DDX11: variants seen among roughly 807,000 people sequenced by gnomAD.
The protein encoded by DDX11 is DEAD/H-box helicase 11, also known as ATP-dependent DNA helicase DDX11.
In DDX11, 72 loss-of-function variants were observed where a neutral mutation model predicts 125.2. That is an observed-to-expected ratio of 0.58 (90% CI 0.48 to 0.70). The LOEUF is 0.70. DDX11 is among the 30% of genes least tolerant of loss of function. The pLI is 0.00. For missense variants in DDX11, 883 were observed against 1,165.0 expected (o/e 0.76, Z 3.52); for synonymous variants, 347 against 452.6 (o/e 0.77, Z 2.96).
At position 31,104,212 on chromosome 12, in the gene DDX11, A is replaced by G; in HGVS notation, c.*376A>G. 1.1e-6 allele frequency: 1 copy of G among 944,692 alleles called. No homozygotes were observed. The highest frequency in any genetic ancestry group is 1.5e-6 in the Non-Finnish European group (1 of 653,930). The allele number at this position is 944,692 out of a possible 1,614,324, so 58.5% of individuals were successfully genotyped here. A position where few individuals can be genotyped will look rare whatever the true frequency, so the allele number is the denominator to read the frequency against. ...CCTGCCCACCTTCTTAAGAGGCGAG[A>G]TGGAGCAGGCCCATCTGCCTCTGCC... On this transcript the variant is annotated 3_prime_UTR_variant, in exon 27 of 27. Transcript: ENST00000542838.
intron 2 of DDX11, among the ~76,000 whole-genome samples, chr12:31,080,793 C>G (rs1027259456): frequency 1.3e-5 from 2 of 152,116 alleles, no homozygotes; most frequent in Non-Finnish European, 2.9e-5. Context: ...TGCCCAGGGC[C>G]GAGTGCAGTG....
chr12:31,093,103 C>T (rs35551128), intron 11 of DDX11, 142 bp from the exon 12 acceptor site: 90,924 of 1,050,088 alleles, frequency 0.087, 4,251 homozygotes, highest in Non-Finnish European at 0.1. Flanking sequence ...GGCCTGGGGC[C>T]GTGGCCAGCC....
intron 5 of DDX11, 32 bp from the exon 6 acceptor site, chr12:31,087,906 A>G (rs767199162): frequency 9.4e-6 from 15 of 1,603,318 alleles, no homozygotes; most frequent in Admixed American, 6.9e-5. Flanking sequence ...TGCTGAGGGA[A>G]GACTGTTTTC....
chr12:31,084,824 T>C, intron 4 of DDX11, 145 bp from the exon 5 acceptor site: 1 of 1,054,206 alleles, frequency 9.5e-7, no homozygotes, highest in Non-Finnish European at 1.4e-6. Flanking sequence ...GGTTGAGGCG[T>C]GGATCCTAGG....
rs766938433 is a variant in DDX11, at chr12:31,103,827, C to G, written c.2712C>G (p.Ala904=). 5 of 1,613,826 alleles carry G rather than the reference C, an allele frequency of 3.1e-6. No homozygotes were observed. The highest frequency in any genetic ancestry group is 3.4e-6 in the Non-Finnish European group (4 of 1,179,876). The change falls in exon 27 of 27, where the codon GCC becomes GCG. Residue 904 remains alanine (A), a synonymous_variant. Coordinates refer to ENST00000542838, the MANE Select transcript of DDX11 (RefSeq NM_030653.4). ...AVQKFHREKS[A]SS ...CCCAGTTTCACCGGGAGAAGTCGGC[C>G]TCTTCCTGATGGGCAACCACACCAC...
chr12:31,086,172 C>T (rs1163128450), intron 5 of DDX11: 21 of 452,264 alleles, frequency 4.6e-5, no homozygotes, highest in Middle Eastern at 6.9e-4. Context: ...CTGCCCTCCT[C>T]CCTTGGCAGA....
At position 31,094,733 on chromosome 12, in the gene DDX11, C is replaced by T. The variant is rs775716337; in HGVS notation, c.1415-22C>T. 9.4e-6 allele frequency: 15 copies of T among 1,599,252 alleles called. No individual in the cohort carries two copies. In the Middle Eastern group the frequency reaches 1.8e-3, roughly 194 times the overall value. The stretch of plus-strand genomic sequence containing the variant: ...GAGGCTTAGGGTGAAGCTCCCAAGG[C>T]CCTTCATGTGTTTGTTCTCAGGGAC... On this transcript the variant is annotated intron_variant, in intron 13 of 26. Transcript: ENST00000542838.
chr12:31,080,380 G>A (rs1404052474), intron 2 of DDX11, among the ~76,000 whole-genome samples: 2 of 152,188 alleles, frequency 1.3e-5, no homozygotes, highest in African/African-American at 4.8e-5. Context: ...TCTGCCGGTT[G>A]CCTCCAGGGC....
intron 2 of DDX11, among the ~76,000 whole-genome samples, chr12:31,080,634 C>T (rs1941725921): frequency 6.6e-6 from 1 of 151,928 alleles, no homozygotes. Context: ...CCTTCTTTCC[C>T]TCTCTCCTAA....
intron 2 of DDX11, among the ~76,000 whole-genome samples, chr12:31,083,214 CTG>C (rs969813930): frequency 7.3e-5 from 11 of 151,286 alleles, no homozygotes; most frequent in African/African-American, 2.4e-4. Flanking sequence ...GGCCAGAGAA[CTG>C]TGTGAGCCCA....
At chr12:31,097,571 T>C (rs1322740540) in intron 17 of DDX11, among the ~76,000 whole-genome samples, 717 of 120,356 alleles carry the variant, frequency 6.0e-3, no homozygotes, top group South Asian at 0.014. Context: ...TCCCAGCTAC[T>C]CGGGAGGCTG....
rs1413727177 is a variant in DDX11, at chr12:31,103,826, C to G, written c.2711C>G (p.Ala904Gly). The G allele has an allele frequency of 2.5e-6, 4 of 1,613,934 alleles. No individual in the cohort carries two copies. The highest frequency in any genetic ancestry group is 2.5e-6 in the Non-Finnish European group (3 of 1,179,870). The change falls in exon 27 of 27, where the codon GCC becomes GGC. Residue 904 changes from alanine (A) to glycine (G), a missense_variant. By Grantham distance (60) the Ala-to-Gly change is moderately conservative. Transcript: ENST00000542838. Reference protein sequence around the residue: ...AVQKFHREKSASS With the variant: ...AVQKFHREKSGSS Reference sequence around the variant, plus strand: ...GCCCAGTTTCACCGGGAGAAGTCGGCCTCTTCCTGATGGGCAACCACACCA... The same window carrying G: ...GCCCAGTTTCACCGGGAGAAGTCGGGCTCTTCCTGATGGGCAACCACACCA...
intron 12 of DDX11, chr12:31,093,561 CA>C: frequency 9.1e-6 from 5 of 552,146 alleles, no homozygotes; most frequent in East Asian, 4.2e-5. Context: ...ACTAAAAATA[CA>C]AAAAAATTAG....
intron 18 of DDX11, 148 bp from the exon 19 acceptor site, chr12:31,100,487 T>C: frequency 1.5e-6 from 1 of 650,918 alleles, no homozygotes; most frequent in Non-Finnish European, 2.7e-6. Flanking sequence ...TCACCATTTT[T>C]CTTTTTGTTA....
intron 25 of DDX11, 67 bp from the exon 26 acceptor site, chr12:31,103,510 G>A (rs530162248): frequency 2.0e-5 from 33 of 1,611,426 alleles, no homozygotes; most frequent in African/African-American, 2.0e-4. Flanking sequence ...GGAGGGGGTC[G>A]CCGTGGGAAT....
At chr12:31,096,814 G>A (rs185072266) in intron 16 of DDX11, 45 bp from the exon 17 acceptor site, 1 of 1,614,214 alleles carries the variant, frequency 6.2e-7, no homozygotes, top group East Asian at 2.2e-5. Flanking sequence ...CCTCATGTGT[G>A]GACCTGACCA....
chr12:31,092,300 G>C (rs139049445), intron 10 of DDX11, among the ~76,000 whole-genome samples: 1,566 of 152,184 alleles, frequency 0.01, 32 homozygotes, highest in African/African-American at 0.036. Flanking sequence ...GGTGTCTCTG[G>C]TCTTCACGCT....
In DDX11 at chr12:31,101,503, C is replaced by T. The variant is rs1946375444; in HGVS notation, c.2053-330C>T. 20 of 496,206 alleles carry T rather than the reference C, an allele frequency of 4.0e-5. 1 individual carries two copies. The South Asian group carries it at 4.1e-4, about 10-fold the overall frequency. The allele number at this position is 496,206 out of a possible 1,614,324, so 30.7% of individuals were successfully genotyped here. The stretch of plus-strand genomic sequence containing the variant: ...TCTCCTGTGGTGTGCCTGGGGTGTG[C>T]AGCCCCTGATTGTCGTTGTGGTGCC... On this transcript the variant is annotated intron_variant, in intron 20 of 26. Coordinates refer to ENST00000542838, the MANE Select transcript of DDX11 (RefSeq NM_030653.4).
Position 31,084,662 on chromosome 12 carries a change from A to G in DDX11, c.473A>G (p.Lys158Arg). 1 of 1,585,794 alleles carries G rather than the reference A, an allele frequency of 6.3e-7. No individual in the cohort carries two copies. ...QHRVQLKYAAKRLRQEEEERE... is the reference protein window; with the variant it reads ...QHRVQLKYAARRLRQEEEERE... ...AGGGTGCAGCTCAAGTATGCAGCCA[A>G]GCGCCTGGTGAGCCTCATTTCTTGG... is the stretch of plus-strand genomic sequence containing the variant. The change falls in exon 4 of 27, where the codon AAG becomes AGG. Residue 158 changes from lysine to arginine, a missense_variant. This residue lies in a region of DDX11 where 283 missense variants were observed against 359.6 expected (regional missense o/e 0.79). Transcript: ENST00000542838.
Sources: allele counts gnomAD v4.1 joint callset (sites outside exome capture counted in the v4.1 genomes callset), GRCh38; gene constraint gnomAD v4.1.1; regional missense constraint gnomAD v4.1.1; transcripts MANE v1.5; gene names NCBI Gene and HGNC (gene_info 2026-07-23, HGNC 2026-07-21).